Variants in EXOSC5 observed in about 807,000 individuals in gnomAD.
The protein encoded by EXOSC5 is exosome complex component RRP46.
A neutral mutation model predicts 23.7 loss-of-function variants in EXOSC5; 15 were observed. The observed-to-expected ratio is 0.63, with a 90% confidence interval of 0.42 to 0.97. The LOEUF (loss-of-function observed/expected upper bound fraction) is 0.97. Ranked by LOEUF, EXOSC5 falls within the 50% of genes least tolerant of loss-of-function variation. The pLI is 0.00. For missense variants in EXOSC5, 305 were observed against 316.3 expected, an observed-to-expected ratio of 0.96 and a Z score of 0.27; for synonymous variants, 143 against 140.9, an observed-to-expected ratio of 1.02 and a Z score of -0.11.
chr19:41,387,432 G>A (rs2038992124), intron 5 of EXOSC5, 82 bp downstream of exon 5: 4 of 1,153,232 alleles, frequency 3.5e-6, no homozygotes, highest in Non-Finnish European at 4.7e-6. Flanking sequence ...AAGCCTCTCA[G>A]AATCCAGGGC....
intron 4 of EXOSC5, among the ~76,000 whole-genome samples, chr19:41,389,407 A>AT (rs2039006749): frequency 1.3e-5 from 2 of 152,212 alleles, no homozygotes; most frequent in South Asian, 4.1e-4. Flanking sequence ...CTGGGATTAC[A>AT]GGCGTGCGCC....
intron 5 of EXOSC5, 37 bp from the exon 6 acceptor site, chr19:41,386,762 C>A (rs1179970607): frequency 6.5e-7 from 1 of 1,538,270 alleles, no homozygotes; most frequent in African/African-American, 1.4e-5. Context: ...GGGGGCCGAG[C>A]CCTTCATGCA....
rs1356902266 is a variant in EXOSC5, at chr19:41,392,860, C to T, written c.262+7G>A. The T allele has an allele frequency of 6.2e-7, 1 of 1,613,370 alleles. No individual in the cohort carries two copies. Among genetic ancestry groups the T allele is most frequent in the Non-Finnish European group, 8.5e-7 (1 of 1,179,684 alleles). On this transcript the variant is annotated splice_region_variant and intron_variant, in intron 2 of 5. Coordinates refer to ENST00000221233, the MANE Select transcript of EXOSC5 (RefSeq NM_020158.4). ...CACCACTCAGAGGTTCAGCAGGGCC[C>T]AATTACCAGGCAGCCCAATCTTCGG...
Position 41,386,716 on chromosome 19 carries a change from A to T in EXOSC5, c.625T>A (p.Cys209Ser). 6.3e-7 allele frequency: 1 copy of T among 1,594,640 alleles called. No homozygotes were observed. Among genetic ancestry groups the T allele is most frequent in the African/African-American group, 1.3e-5 (1 of 74,768 alleles). The change falls in exon 6 of 6, where the codon TGC becomes AGC. Residue 209 changes from cysteine to serine, a missense_variant. Transcript: ENST00000221233. ...GLYSDTELQQ[C>S]LAAAQAASQH... Reference sequence around the variant, plus strand: ...GAAGCGGCCTGGGCCGCAGCCAGGCACTGCTGGAGCTGCGGGGGAGAGACT... The same window carrying T: ...GAAGCGGCCTGGGCCGCAGCCAGGCTCTGCTGGAGCTGCGGGGGAGAGACT...
At chr19:41,389,704 G>A in intron 4 of EXOSC5, 61 bp downstream of exon 4, 1 of 1,574,442 alleles carries the variant, frequency 6.4e-7, no homozygotes, top group Non-Finnish European at 8.6e-7. Flanking sequence ...GCGAGGCCTG[G>A]AGGAAGGGAC....
chr19:41,390,058 G>T (rs1345679113), intron 3 of EXOSC5, among the ~76,000 whole-genome samples, 153 bp from the exon 4 acceptor site: 1 of 151,748 alleles, frequency 6.6e-6, no homozygotes, highest in East Asian at 1.9e-4. Flanking sequence ...TCAGCCTCCT[G>T]AGTAGCTGGG....
intron 1 of EXOSC5, among the ~76,000 whole-genome samples, 174 bp downstream of exon 1, chr19:41,397,007 T>C (rs1245823737): frequency 6.6e-6 from 1 of 152,152 alleles, no homozygotes; most frequent in Non-Finnish European, 1.5e-5. Context: ...TCCTTTCTAG[T>C]CGTGAGGGAG....
chr19:41,389,845 G>A lies in EXOSC5; in HGVS notation c.445C>T (p.Arg149Trp), dbSNP rs200144886. The A allele has an allele frequency of 1.1e-4, 175 of 1,613,968 alleles. No homozygotes were observed. Among genetic ancestry groups the A allele is most frequent in the Admixed American group, 6.8e-4 (41 of 59,986 alleles). Residue 149 changes from arginine (R) to tryptophan (W), a missense_variant, in exon 4 of 6, where the codon CGG (arginine) becomes TGG (tryptophan). By Grantham distance (101) the Arg-to-Trp change is moderately radical. Transcript: ENST00000221233. ...MALVDAGVPM[R>W]ALFCGVACAL... ...CAGGCGACCCCACAGAAGAGAGCCC[G>A]CATGGGCACACCTGCATCCACCAAT...
At chr19:41,386,845 C>T (rs749337722) in intron 5 of EXOSC5, 120 bp from the exon 6 acceptor site, 2 of 764,170 alleles carry the variant, frequency 2.6e-6, no homozygotes, top group Non-Finnish European at 4.2e-6. Flanking sequence ...ACTCCCCTGC[C>T]CCCAAGTGAG....
intron 5 of EXOSC5, among the ~76,000 whole-genome samples, chr19:41,387,117 C>T (rs1367562309): frequency 1.3e-5 from 2 of 152,104 alleles, no homozygotes; most frequent in Non-Finnish European, 2.9e-5. Flanking sequence ...CAAGAGACTC[C>T]CAGTCTTCAC....
Position 41,389,870 on chromosome 19 carries a change from T to G in EXOSC5, c.420A>C (p.Ala140=). 1 of 1,612,860 alleles carries G rather than the reference T, an allele frequency of 6.2e-7. No homozygotes were observed. The highest frequency in any genetic ancestry group is 1.7e-4 in the Middle Eastern group (1 of 6,046). The change falls in exon 4 of 6, where the codon GCA becomes GCC. Residue 140 remains alanine (A), a synonymous_variant. Transcript: ENST00000221233. ...LACCLNAACM[A]LVDAGVPMRA... ...GCATGGGCACACCTGCATCCACCAA[T>G]GCCATGCAGGCGGCATTCAGACAAC...
At position 41,397,199 on chromosome 19, in the gene EXOSC5, A is replaced by G. The variant is rs141198216; in HGVS notation, c.130T>C (p.Ser44Pro). ...EQNLLSRPDG[S>P]ASFLQGDTSV... is the part of the protein sequence containing the mutation. ...TTCTTACCTTGCAGGAAGGAAGCAG[A>G]GCCATCTGGCCGCGACAGCAGGTTC... Residue 44 changes from serine (S) to proline (P), a missense_variant, in exon 1 of 6, where the codon TCT (serine) becomes CCT (proline). Ser to Pro is a moderately conservative substitution (Grantham distance 74). Coordinates refer to ENST00000221233, the MANE Select transcript of EXOSC5 (RefSeq NM_020158.4). 6.8e-6 allele frequency: 11 copies of G among 1,613,962 alleles called. No individual in the cohort carries two copies. The highest frequency in any genetic ancestry group is 9.3e-6 in the Non-Finnish European group (11 of 1,179,944).
chr19:41,394,891 G>A (rs544257071), intron 1 of EXOSC5, among the ~76,000 whole-genome samples: 13 of 152,094 alleles, frequency 8.5e-5, no homozygotes, highest in African/African-American at 2.2e-4. Context: ...AAAATTAGCC[G>A]GGCGCGGTGG....
At chr19:41,392,134 C>T (rs752093937) in intron 2 of EXOSC5, 172 bp from the exon 3 acceptor site, 7 of 885,592 alleles carry the variant, frequency 7.9e-6, no homozygotes, top group Non-Finnish European at 1.1e-5. Context: ...TGACTGCCAT[C>T]CACTGACCCC....
At chr19:41,394,728 A>G (rs188417777) in intron 1 of EXOSC5, among the ~76,000 whole-genome samples, 4 of 152,038 alleles carry the variant, frequency 2.6e-5, no homozygotes, top group South Asian at 2.1e-4. Flanking sequence ...ATGTTGGCCA[A>G]TCTGGTCTCA....
chr19:41,389,797 G>C lies in EXOSC5; in HGVS notation c.493C>G (p.Leu165Val). ...TGCTTGGATGTAGGATCCAGCACGA[G>C]GGTCCCATCAGAGTCCAGGGCGCAG... ...VACALDSDGTLVLDPTSKQEK... is the reference protein window; with the variant it reads ...VACALDSDGTVVLDPTSKQEK... Residue 165 changes from leucine to valine, a missense_variant, in exon 4 of 6, where the codon CTC becomes GTC. Leu to Val is a conservative substitution (Grantham distance 32, BLOSUM62 1). Coordinates refer to ENST00000221233, the MANE Select transcript of EXOSC5 (RefSeq NM_020158.4). 1 of 1,614,092 alleles carries C rather than the reference G, an allele frequency of 6.2e-7. No homozygotes were observed. Among genetic ancestry groups the C allele is most frequent in the East Asian group, 2.2e-5 (1 of 44,860 alleles).
intron 1 of EXOSC5, among the ~76,000 whole-genome samples, chr19:41,396,254 C>A (rs572464915): frequency 2.0e-5 from 3 of 151,866 alleles, no homozygotes; most frequent in African/African-American, 7.2e-5. Flanking sequence ...TTGTCGCTCA[C>A]GCTGGAGTAC....
chr19:41,389,676 C>T, intron 4 of EXOSC5, 89 bp downstream of exon 4: 1 of 1,517,832 alleles, frequency 6.6e-7, no homozygotes, highest in Non-Finnish European at 8.8e-7. Flanking sequence ...GTGGCATGAG[C>T]CGACTGTCTG....
chr19:41,393,636 C>A (rs1023492810), intron 1 of EXOSC5, among the ~76,000 whole-genome samples: 3 of 151,576 alleles, frequency 2.0e-5, no homozygotes, highest in Non-Finnish European at 2.9e-5. Flanking sequence ...CTCGGCTCAC[C>A]GCAACCTCTG....
Sources: allele counts gnomAD v4.1 joint callset (sites outside exome capture counted in the v4.1 genomes callset), GRCh38; gene constraint gnomAD v4.1.1; transcripts MANE v1.5; gene names NCBI Gene and HGNC (gene_info 2026-07-23, HGNC 2026-07-21).